Variants in KIF1A observed in about 807,000 individuals in gnomAD.
KIF1A encodes kinesin family member 1A, also known as kinesin-like protein KIF1A.
Under a neutral mutation model 227.3 loss-of-function variants are expected in KIF1A, and 46 were observed. The ratio of observed to expected loss-of-function variants is 0.20; its 90% confidence interval spans 0.16 to 0.26. KIF1A has a LOEUF of 0.26. Among genes scored for constraint, KIF1A ranks in the 10% least tolerant of loss-of-function variants. The pLI, the probability that KIF1A is intolerant of heterozygous loss-of-function variation, is 1.00. For missense variants in KIF1A, 1,683 were observed against 2,485.9 expected, an observed-to-expected ratio of 0.68 and a Z score of 6.87; for synonymous variants, 1,022 against 1,012.8, an observed-to-expected ratio of 1.01 and a Z score of -0.17.
intron 1 of KIF1A, among the ~76,000 whole-genome samples, chr2:240,813,389 G>A: frequency 6.6e-6 from 1 of 152,192 alleles, no homozygotes; most frequent in East Asian, 1.9e-4. Context: ...GCAGGGAAGG[G>A]GCAGGGGCTC....
chr2:240,807,041 T>A (rs13409946), intron 1 of KIF1A, among the ~76,000 whole-genome samples: 1,995 of 151,382 alleles, frequency 0.013, 38 homozygotes, highest in African/African-American at 0.045. Flanking sequence ...TATGAGCTGG[T>A]GTACTATTTG....
At chr2:240,718,914 C>G (rs2044907415) in intron 47 of KIF1A, 92 bp downstream of exon 47, 3 of 1,066,054 alleles carry the variant, frequency 2.8e-6, no homozygotes, top group Non-Finnish European at 4.2e-6. Flanking sequence ...AGATGGGCCT[C>G]CTGCTCTGAC....
chr2:240,783,908 G>T (rs545043488), intron 7 of KIF1A, 92 bp from the exon 8 acceptor site: 12 of 999,430 alleles, frequency 1.2e-5, no homozygotes, highest in South Asian at 9.7e-5. Flanking sequence ...AGCTGTTGAA[G>T]GAGCCCTGGC....
chr2:240,750,625 G>T, intron 27 of KIF1A, 78 bp from the exon 28 acceptor site: 1 of 1,031,936 alleles, frequency 9.7e-7, no homozygotes, highest in Non-Finnish European at 1.5e-6. Flanking sequence ...AGCATGGCCT[G>T]GCTCACGACA....
chr2:240,735,846 C>G (rs2047251249), intron 38 of KIF1A, among the ~76,000 whole-genome samples: 1 of 152,120 alleles, frequency 6.6e-6, no homozygotes, highest in African/African-American at 2.4e-5. Context: ...ATGGCACCAC[C>G]TCCACATAGA....
chr2:240,800,239 T>C (rs943248311), intron 1 of KIF1A, among the ~76,000 whole-genome samples: 10 of 152,002 alleles, frequency 6.6e-5, no homozygotes, highest in Non-Finnish European at 8.8e-5. Flanking sequence ...ATTCTAGAAC[T>C]TGATCTTTAA....
At position 240,788,661 on chromosome 2, in the gene KIF1A, A is replaced by G. The variant is rs1335273662; in HGVS notation, c.184-431T>C. Among the ~76,000 whole-genome samples, 3 of 151,890 alleles carry G rather than the reference A, an allele frequency of 2.0e-5. No homozygotes were observed. Among genetic ancestry groups the G allele is most frequent in the Non-Finnish European group, 2.9e-5 (2 of 67,976 alleles). ...ACAGTGGGGCACTTTAGGCAGGGGG[A>G]CAGGGTGATTAGCTGGGGGTCATCC... On this transcript the variant is annotated intron_variant, in intron 3 of 48. Coordinates refer to ENST00000498729, the MANE Select transcript of KIF1A (RefSeq NM_001244008.2). The surrounding 1 kb of genome is among the most constrained non-coding windows in gnomAD (Gnocchi z 6.6).
At chr2:240,729,857 C>T (rs2046409645) in intron 38 of KIF1A, among the ~76,000 whole-genome samples, 2 of 152,202 alleles carry the variant, frequency 1.3e-5, no homozygotes, top group African/African-American at 4.8e-5. Flanking sequence ...GACCACTGTC[C>T]CCTCCCCCAG....
intron 38 of KIF1A, chr2:240,728,530 G>C (rs1259178044): frequency 1.7e-6 from 1 of 578,296 alleles, no homozygotes; most frequent in East Asian, 6.8e-5. Flanking sequence ...GGTGCACGCC[G>C]GATCTCACGG....
At position 240,725,232 on chromosome 2, in the gene KIF1A, G is replaced by A. The variant is rs1216835150; in HGVS notation, c.4256+39C>T. The A allele has an allele frequency of 6.4e-7, 1 of 1,568,950 alleles. No homozygotes were observed. The highest frequency in any genetic ancestry group is 8.6e-7 in the Non-Finnish European group (1 of 1,157,658). On this transcript the variant is annotated intron_variant, in intron 40 of 48. Transcript: ENST00000498729. The surrounding 1 kb of genome is among the most constrained non-coding windows in gnomAD (Gnocchi z 5.8). ...CCCTGCCTGGCCCGCACCGAGACCA[G>A]GGTGGGAGTCCATGTGGTCCTCACC... is the stretch of plus-strand genomic sequence containing the variant.
chr2:240,743,809 G>C (rs964263587), intron 33 of KIF1A, 133 bp downstream of exon 33: 13 of 617,964 alleles, frequency 2.1e-5, no homozygotes, highest in African/African-American at 7.3e-5. Flanking sequence ...TGGGCAAAAG[G>C]CCTCCTGGAT....
intron 1 of KIF1A, among the ~76,000 whole-genome samples, chr2:240,800,137 C>T (rs2056835730): frequency 6.6e-6 from 1 of 151,810 alleles, no homozygotes; most frequent in African/African-American, 2.4e-5. Flanking sequence ...CACACACACA[C>T]ACACACACAC....
chr2:240,732,289 G>T, intron 38 of KIF1A, among the ~76,000 whole-genome samples: 1 of 125,340 alleles, frequency 8.0e-6, no homozygotes. Flanking sequence ...AAGGGGATCA[G>T]GGGAGGAGAG....
rs766136089 is a variant in KIF1A at position 240,719,881 on chromosome 2, C to A, written c.4914G>T (p.Leu1638=). 6.2e-7 allele frequency: 1 copy of A among 1,611,842 alleles called. No individual in the cohort carries two copies. Among genetic ancestry groups the A allele is most frequent in the South Asian group, 1.1e-5 (1 of 90,984 alleles). ...CSRPASPEPE[L]LPEADSKKLP... ...GCTTCTTGGAGTCGGCCTCTGGCAGCAGCTCGGGCTCTGGGCTGGCTGGCC... is the reference window on the plus strand; with the variant it reads ...GCTTCTTGGAGTCGGCCTCTGGCAGAAGCTCGGGCTCTGGGCTGGCTGGCC... Residue 1638 remains leucine, a synonymous_variant, in exon 46 of 49, where the codon CTG becomes CTT. Transcript: ENST00000498729.
intron 12 of KIF1A, among the ~76,000 whole-genome samples, chr2:240,773,602 C>G (rs557088588): frequency 6.6e-6 from 1 of 152,282 alleles, no homozygotes; most frequent in African/African-American, 2.4e-5. Context: ...AAAATGTGAG[C>G]ACATCTATGT....
chr2:240,715,802 C>T lies in KIF1A; in HGVS notation c.*1562G>A, dbSNP rs577161038. 1 of 152,454 alleles carries T rather than the reference C, an allele frequency of 6.6e-6. No homozygotes were observed. Among genetic ancestry groups the T allele is most frequent in the East Asian group, 1.9e-4 (1 of 5,298 alleles). 9.4% of individuals were successfully genotyped at this position (152,454 alleles called of 1,614,324 possible). ...AACCAGTGGGGTGCTGCGTTTCCCC[C>T]ACTCCAGGAGGCAGGATCTGATGAA... On this transcript the variant is annotated 3_prime_UTR_variant, in exon 49 of 49. Coordinates refer to ENST00000498729, the MANE Select transcript of KIF1A (RefSeq NM_001244008.2).
At chr2:240,802,231 A>G (rs2057038099) in intron 1 of KIF1A, among the ~76,000 whole-genome samples, 1 of 152,250 alleles carries the variant, frequency 6.6e-6, no homozygotes, top group East Asian at 1.9e-4. Flanking sequence ...GGTAACAGTA[A>G]TCATTTATAT....
At chr2:240,807,410 T>C (rs2057525993) in intron 1 of KIF1A, among the ~76,000 whole-genome samples, 1 of 152,170 alleles carries the variant, frequency 6.6e-6, no homozygotes, top group African/African-American at 2.4e-5. Flanking sequence ...CCCAAAGTGC[T>C]GGGATTACAG....
chr2:240,741,139 T>A (rs1221743486), intron 35 of KIF1A, 130 bp downstream of exon 35: 2 of 634,560 alleles, frequency 3.2e-6, no homozygotes, highest in Non-Finnish European at 5.6e-6. Flanking sequence ...CCACAAGAGG[T>A]CTGCAGTGAA....
Sources: gnomAD v4.1 joint callset for allele counts (sites outside exome capture counted in the v4.1 genomes callset) on GRCh38, gnomAD v4.1.1 for gene constraint, Gnocchi (gnomAD v3.1) non-coding constraint, MANE v1.5 for transcripts, NCBI Gene and HGNC (gene_info 2026-07-23, HGNC 2026-07-21) for gene names.